The following POLR1A variants were observed in gnomAD, a reference collection of about 807,000 sequenced individuals.
The protein encoded by POLR1A is DNA-directed RNA polymerase I subunit RPA1.
POLR1A carries 84 observed loss-of-function variants against 205.3 expected under a neutral mutation model. That is an observed-to-expected ratio of 0.41 (90% CI 0.34 to 0.49). POLR1A has a LOEUF of 0.49. Among genes scored for constraint, POLR1A ranks in the 20% least tolerant of loss-of-function variants. The pLI is 0.22. For synonymous variants in POLR1A, 799 were observed against 863.7 expected (o/e 0.93, Z 1.31); for missense variants, 1,645 against 2,204.5 (o/e 0.75, Z 5.08).
At chr2:86,074,672 C>T (rs1362296197) in intron 12 of POLR1A, among the ~76,000 whole-genome samples, 4 of 152,194 alleles carry the variant, frequency 2.6e-5, no homozygotes, top group African/African-American at 9.7e-5. Flanking sequence ...CTAAGAGTGG[C>T]TCTCAAACAT....
At chr2:86,098,933 C>A (rs751565109) in intron 2 of POLR1A, among the ~76,000 whole-genome samples, 173 bp from the exon 3 acceptor site, 2 of 152,064 alleles carry the variant, frequency 1.3e-5, no homozygotes, top group Non-Finnish European at 2.9e-5. Flanking sequence ...ATAAATATTA[C>A]CCTCTATTTT....
intron 27 of POLR1A, among the ~76,000 whole-genome samples, chr2:86,036,340 T>C (rs1006280077): frequency 6.6e-6 from 1 of 152,158 alleles, no homozygotes; most frequent in Non-Finnish European, 1.5e-5. Flanking sequence ...AAACAGCCCA[T>C]GTGATGGGTG....
chr2:86,043,059 C>G lies in POLR1A; in HGVS notation c.3272G>C (p.Ser1091Thr). 1 of 1,614,186 alleles carries G rather than the reference C, an allele frequency of 6.2e-7. No individual in the cohort carries two copies. Among genetic ancestry groups the G allele is most frequent in the Non-Finnish European group, 8.5e-7 (1 of 1,180,034 alleles). ...AGCTTCCTGAATTTTCTGGGAATAA[C>G]TCAAGAAGGCGCCTCTTCTCAGCAG... ...NTLLRRGAFLSYSQKIQEAVK... is the reference protein window; with the variant it reads ...NTLLRRGAFLTYSQKIQEAVK... Residue 1091 changes from serine (S) to threonine (T), a missense_variant, in exon 23 of 34, where the codon AGT (serine) becomes ACT (threonine). Around this residue, in one of 16 missense-constraint regions of POLR1A, gnomAD observed 201 missense variants for 222.3 expected, o/e 0.90. Transcript: ENST00000263857.
chr2:86,093,160 G>A (rs550396549), intron 3 of POLR1A, among the ~76,000 whole-genome samples: 1 of 152,244 alleles, frequency 6.6e-6, no homozygotes, highest in East Asian at 1.9e-4. Context: ...GTAATATTTA[G>A]CCACCACAGC....
chr2:86,089,266 C>T (rs1163515992), intron 4 of POLR1A, among the ~76,000 whole-genome samples: 1 of 152,224 alleles, frequency 6.6e-6, no homozygotes, highest in Non-Finnish European at 1.5e-5. Context: ...AAGGCACATC[C>T]ACAGTCCAGC....
intron 6 of POLR1A, among the ~76,000 whole-genome samples, chr2:86,083,374 TAA>T (rs150660361): frequency 3.1e-5 from 4 of 127,580 alleles, no homozygotes; most frequent in Non-Finnish European, 5.1e-5. Context: ...GTATAAAACC[TAA>T]AAAAAAAAAA....
chr2:86,032,413 T>A, intron 28 of POLR1A, 31 bp from the exon 29 acceptor site: 1 of 1,432,744 alleles, frequency 7.0e-7, no homozygotes, highest in Non-Finnish European at 9.9e-7. Flanking sequence ...AGAAAAAGAT[T>A]AACTCCAATA....
At chr2:86,073,400 A>G (rs962392468) in intron 12 of POLR1A, among the ~76,000 whole-genome samples, 1 of 152,120 alleles carries the variant, frequency 6.6e-6, no homozygotes, top group African/African-American at 2.4e-5. Context: ...GCCCAGGACC[A>G]CAGAAATATT....
chr2:86,101,749 C>T (rs1284560102), intron 1 of POLR1A, among the ~76,000 whole-genome samples: 1 of 152,024 alleles, frequency 6.6e-6, no homozygotes, highest in Non-Finnish European at 1.5e-5. Context: ...ATCTGCAGAA[C>T]CCTTTTTCAT....
chr2:86,030,249 G>A lies in POLR1A; in HGVS notation c.4726C>T (p.Leu1576Phe). The A allele has an allele frequency of 6.2e-7, 1 of 1,614,218 alleles. No individual in the cohort carries two copies. The highest frequency in any genetic ancestry group is 8.5e-7 in the Non-Finnish European group (1 of 1,180,016). Residue 1576 changes from leucine to phenylalanine, a missense_variant, in exon 31 of 34, where the codon CTT (leucine) becomes TTT (phenylalanine). Leu to Phe is a conservative substitution (Grantham distance 22). Coordinates refer to ENST00000263857, the MANE Select transcript of POLR1A (RefSeq NM_015425.6). ...TTGATTCCTTCTGTGTTTAGCACAA[G>A]CTCCTTCTCGTTCTTATTGTTGGTT... The part of the protein sequence containing the change: ...ETTNNKNEKE[L>F]VLNTEGINLP...
At chr2:86,084,518 A>G (rs989397196) in intron 6 of POLR1A, among the ~76,000 whole-genome samples, 3 of 152,060 alleles carry the variant, frequency 2.0e-5, no homozygotes, top group African/African-American at 7.2e-5. Context: ...TTTTATTCAC[A>G]TATCAGGACA....
At chr2:86,047,941 C>T (rs1346977519) in intron 18 of POLR1A, among the ~76,000 whole-genome samples, 1 of 152,176 alleles carries the variant, frequency 6.6e-6, no homozygotes, top group Non-Finnish European at 1.5e-5. Flanking sequence ...TTCTGAGATG[C>T]ATCTGAAGAC....
intron 27 of POLR1A, among the ~76,000 whole-genome samples, chr2:86,034,875 T>C (rs1441944304): frequency 1.3e-5 from 2 of 152,204 alleles, no homozygotes; most frequent in East Asian, 1.9e-4. Flanking sequence ...TTATTATTAG[T>C]TCCCCCCACC....
At position 86,048,786 on chromosome 2, in the gene POLR1A, A is replaced by G. The variant is rs1001145821; in HGVS notation, c.2634+98T>C. 39 of 1,110,264 alleles carry G rather than the reference A, an allele frequency of 3.5e-5. No individual in the cohort carries two copies. The East Asian group carries it at 8.7e-4, about 25-fold the overall frequency. 68.8% of individuals were successfully genotyped at this position (1,110,264 alleles called of 1,614,324 possible). ...TCACCTAGTCAGCTGTTCAACAGCC[A>G]AGGTGCTCTGTAGGGCCCAGGTGAG... On this transcript the variant is annotated intron_variant, in intron 18 of 33. Transcript: ENST00000263857.
At chr2:86,061,276 G>C (rs529609356) in intron 14 of POLR1A, among the ~76,000 whole-genome samples, 172 of 152,272 alleles carry the variant, frequency 1.1e-3, no homozygotes, top group African/African-American at 3.7e-3. Flanking sequence ...GAAAAACGCT[G>C]TCTCTACTAA....
intron 33 of POLR1A, 125 bp downstream of exon 33, chr2:86,027,760 C>T: frequency 8.8e-7 from 1 of 1,139,274 alleles, no homozygotes; most frequent in Non-Finnish European, 1.3e-6. Context: ...CCAGCCGCCC[C>T]CGCTCCCCTC....
chr2:86,094,684 T>C (rs1177179282), intron 3 of POLR1A, among the ~76,000 whole-genome samples: 3 of 152,244 alleles, frequency 2.0e-5, no homozygotes, highest in Non-Finnish European at 4.4e-5. Flanking sequence ...GGATTAATTC[T>C]GTCTTCTCTC....
rs572641403 is a variant in POLR1A, at chr2:86,041,364, T to C, written c.3572+525A>G. The stretch of plus-strand genomic sequence containing the variant: ...CAAAGCTCAAAGGTGTGTGTGTGTG[T>C]GCGCGCGCGCGCTGAGCTACAGTGT... On this transcript the variant is annotated intron_variant, in intron 24 of 33. Transcript: ENST00000263857. 2.6e-3 allele frequency among the ~76,000 whole-genome samples: 384 copies of C among 145,938 alleles called. 9 individuals are homozygous for C. The highest frequency in any genetic ancestry group is 8.0e-3 in the African/African-American group (307 of 38,502).
intron 14 of POLR1A, among the ~76,000 whole-genome samples, chr2:86,063,030 A>C (rs1170367254): frequency 1.3e-5 from 2 of 152,194 alleles, no homozygotes; most frequent in Admixed American, 6.5e-5. Context: ...AGAAATAGAA[A>C]TTTTAATTGA....
Sources: gnomAD v4.1 joint callset for allele counts (sites outside exome capture counted in the v4.1 genomes callset) on GRCh38, gnomAD v4.1.1 for gene constraint, gnomAD v4.1.1 regional missense constraint, MANE v1.5 for transcripts, NCBI Gene and HGNC (gene_info 2026-07-23, HGNC 2026-07-21) for gene names.